The following FREM1 variants were observed in gnomAD, a reference collection of about 807,000 sequenced individuals.
FREM1 encodes FRAS1-related extracellular matrix protein 1.
Under a neutral mutation model 210.1 loss-of-function variants are expected in FREM1, and 220 were observed. That is an observed-to-expected ratio of 1.05 (90% confidence interval 0.94 to 1.17). The LOEUF is 1.17. Among genes scored for constraint, FREM1 ranks in the 50% most tolerant of loss-of-function variants. The pLI, the probability that FREM1 is intolerant of heterozygous loss-of-function variation, is 0.00. For synonymous variants in FREM1, 1,189 were observed against 980.2 expected, an observed-to-expected ratio of 1.21 and a Z score of -3.98; for missense variants, 3,454 against 2,675.5, an observed-to-expected ratio of 1.29 and a Z score of -6.42.
Position 14,858,608 on chromosome 9 carries a change from G to T in FREM1, c.631+575C>A, listed in dbSNP as rs10120595. Among the ~76,000 whole-genome samples the T allele has an allele frequency of 2.7e-3, 413 of 150,390 alleles. 4 individuals are homozygous for T. The highest frequency in any genetic ancestry group is 9.7e-3 in the African/African-American group (398 of 40,832). On this transcript the variant is annotated intron_variant, in intron 4 of 36. Coordinates refer to ENST00000380880, the MANE Select transcript of FREM1 (RefSeq NM_001379081.2). The stretch of plus-strand genomic sequence containing the variant: ...CAAAATTCAAAGTATTACTACTATT[G>T]CTATGATTATCCCTTATATTTCTTG...
intron 1 of FREM1, among the ~76,000 whole-genome samples, chr9:14,883,504 G>C (rs1262841480): frequency 1.3e-5 from 2 of 152,174 alleles, no homozygotes; most frequent in Non-Finnish European, 2.9e-5. Flanking sequence ...CTTCAAGAAG[G>C]TGGCATGGGA....
chr9:14,806,663 A>G lies in FREM1; in HGVS notation c.3272T>C (p.Ile1091Thr). The G allele has an allele frequency of 6.4e-7, 1 of 1,565,152 alleles. No individual in the cohort carries two copies. Reference protein sequence around the residue: ...GFEKSNIGISIDSFQWKDMNA... With the variant: ...GFEKSNIGISTDSFQWKDMNA... ...CTGGTGACGAAGCTACAGCTTACCT[A>G]TACTTATGCCAATATTGCTTTTTTC... is the stretch of plus-strand genomic sequence containing the variant. The change falls in exon 18 of 37, where the codon ATA becomes ACA. Residue 1091 changes from isoleucine to threonine, a missense_variant and splice_region_variant. Ile to Thr is a moderately conservative substitution (Grantham distance 89). Transcript: ENST00000380880.
At chr9:14,842,686 A>G (rs954579933) in intron 8 of FREM1, 26 bp from the exon 9 acceptor site, 3 of 1,550,884 alleles carry the variant, frequency 1.9e-6, no homozygotes, top group African/African-American at 2.7e-5. Flanking sequence ...GAGATGGAGC[A>G]GATTGAGCAA....
Position 14,857,715 on chromosome 9 carries a change from G to C in FREM1, c.666C>G (p.Ser222Arg), listed in dbSNP as rs371407653. ...LRAKLKCPGG[S>R]CTPGLKKIGS... ...CTATTTTCTTTAATCCTGGGGTACA[G>C]CTCCCACCTGGACACTTCAGTTTTG... Residue 222 changes from serine to arginine, a missense_variant, in exon 5 of 37, where the codon AGC (serine) becomes AGG (arginine). Physicochemically the swap from Ser to Arg is moderately radical, Grantham distance 110. Coordinates refer to ENST00000380880, the MANE Select transcript of FREM1 (RefSeq NM_001379081.2). 45 of 1,612,030 alleles carry C rather than the reference G, an allele frequency of 2.8e-5. No individual in the cohort carries two copies. The African/African-American group carries it at 5.2e-4, about 19-fold the overall frequency.
intron 7 of FREM1, 132 bp downstream of exon 7, chr9:14,848,533 G>A (rs1827092910): frequency 2.4e-6 from 1 of 420,560 alleles, no homozygotes; most frequent in African/African-American, 2.0e-5. Flanking sequence ...ACTATGTGAT[G>A]CCCTTAATCT....
Position 14,812,822 on chromosome 9 carries a change from G to A in FREM1, c.2883C>T (p.Tyr961=). 4 of 1,608,686 alleles carry A rather than the reference G, an allele frequency of 2.5e-6. No homozygotes were observed. The South Asian group carries it at 3.3e-5, about 13-fold the overall frequency. ...QRDVISEAVT[Y]KHTGGEIGLM... ...CATGCTGCTGCTTACCTGTGTGTTT[G>A]TATGTCACGGCCTCTGAGATAACAT... is the stretch of plus-strand genomic sequence containing the variant. Residue 961 remains tyrosine, a synonymous_variant, in exon 16 of 37, where the codon TAC becomes TAT. Transcript: ENST00000380880.
intron 1 of FREM1, among the ~76,000 whole-genome samples, chr9:14,888,725 T>G (rs983822558): frequency 1.6e-4 from 25 of 152,254 alleles, no homozygotes; most frequent in African/African-American, 6.0e-4. Context: ...CTGCTTCCTC[T>G]TCTCTACAAT....
chr9:14,879,877 T>C (rs1378562781), intron 1 of FREM1, among the ~76,000 whole-genome samples: 1 of 152,114 alleles, frequency 6.6e-6, no homozygotes, highest in Non-Finnish European at 1.5e-5. Context: ...GTAGGTACAA[T>C]ATGATAGGGG....
At chr9:14,905,036 A>C (rs547255468) in intron 1 of FREM1, among the ~76,000 whole-genome samples, 1 of 152,244 alleles carries the variant, frequency 6.6e-6, no homozygotes, top group East Asian at 1.9e-4. Context: ...GGAATCCTGA[A>C]ATACACTTTG....
intron 29 of FREM1, 104 bp downstream of exon 29, chr9:14,756,270 G>T: frequency 2.4e-6 from 2 of 830,306 alleles, no homozygotes; most frequent in Middle Eastern, 2.2e-4. Context: ...TTTCTAGTTG[G>T]CTAAAGTTGT....
At position 14,842,421 on chromosome 9, in the gene FREM1, G is replaced by C; in HGVS notation, c.1633C>G (p.Leu545Val). The C allele has an allele frequency of 6.2e-7, 1 of 1,613,956 alleles. No homozygotes were observed. The highest frequency in any genetic ancestry group is 8.5e-7 in the Non-Finnish European group (1 of 1,179,822). Residue 545 changes from leucine to valine, a missense_variant, in exon 9 of 37, where the codon CTG becomes GTG. Coordinates refer to ENST00000380880, the MANE Select transcript of FREM1 (RefSeq NM_001379081.2). Reference protein sequence around the residue: ...GQTILIQGSMLRASDVDASDD... With the variant: ...GQTILIQGSMVRASDVDASDD... Reference sequence around the variant, plus strand: ...CTGGCGTCCACATCTGAAGCTCGCAGCATGGATCCCTGGATCAGGATGGTC... The same window carrying C: ...CTGGCGTCCACATCTGAAGCTCGCACCATGGATCCCTGGATCAGGATGGTC...
chr9:14,805,755 A>G (rs1818235233), intron 18 of FREM1, among the ~76,000 whole-genome samples: 1 of 152,250 alleles, frequency 6.6e-6, no homozygotes, highest in African/African-American at 2.4e-5. Flanking sequence ...TTTAAAATGG[A>G]CATTCTTCAA....
chr9:14,812,812 C>G lies in FREM1; in HGVS notation c.2893G>C (p.Gly965Arg). The G allele has an allele frequency of 6.2e-7, 1 of 1,603,464 alleles. No homozygotes were observed. ...ISEAVTYKHT[G>R]GEIGLMPCFD... Reference sequence around the variant, plus strand: ...CACTGGTCACCATGCTGCTGCTTACCTGTGTGTTTGTATGTCACGGCCTCT... The same window carrying G: ...CACTGGTCACCATGCTGCTGCTTACGTGTGTGTTTGTATGTCACGGCCTCT... Residue 965 changes from glycine to arginine, a missense_variant and splice_region_variant, in exon 16 of 37, where the codon GGT becomes CGT. Transcript: ENST00000380880.
In FREM1 at chr9:14,801,663, A is replaced by G; in HGVS notation, c.3683T>C (p.Leu1228Pro). 6.2e-7 allele frequency: 1 copy of G among 1,607,376 alleles called. No individual in the cohort carries two copies. Among genetic ancestry groups the G allele is most frequent in the Non-Finnish European group, 8.5e-7 (1 of 1,173,810 alleles). ...HAPVHSFSME[L>P]LKTGMRLTYM... ...GGAACATGCTATACCAGTCTTGAGGAGTTCCATGGAAAAGCTGTGAACAGG... is the reference window on the plus strand; with the variant it reads ...GGAACATGCTATACCAGTCTTGAGGGGTTCCATGGAAAAGCTGTGAACAGG... The change falls in exon 20 of 37, where the codon CTC becomes CCC. Residue 1228 changes from leucine (L) to proline (P), a missense_variant. Leu to Pro is a moderately conservative substitution (Grantham distance 98, BLOSUM62 -3). Transcript: ENST00000380880.
intron 35 of FREM1, among the ~76,000 whole-genome samples, chr9:14,744,865 C>T (rs1201590360): frequency 6.6e-6 from 1 of 152,162 alleles, no homozygotes; most frequent in Non-Finnish European, 1.5e-5. Context: ...CTACCAACAA[C>T]ACATGAGAAT....
At chr9:14,897,747 T>C (rs1838005414) in intron 1 of FREM1, among the ~76,000 whole-genome samples, 1 of 152,086 alleles carries the variant, frequency 6.6e-6, no homozygotes, top group African/African-American at 2.4e-5. Context: ...CTCGCCACCA[T>C]GCCTGACTAA....
intron 6 of FREM1, among the ~76,000 whole-genome samples, chr9:14,850,818 G>A (rs2779499): frequency 0.32 from 48,391 of 152,198 alleles, 9,955 homozygotes; most frequent in Non-Finnish European, 0.46. Context: ...GTCGAAGGCT[G>A]CTGCAGTTCT....
At chr9:14,909,835 C>A (rs1818430500) in intron 1 of FREM1, 79 bp downstream of exon 1, 1 of 152,216 alleles carries the variant, frequency 6.6e-6, no homozygotes, top group Admixed American at 6.5e-5. Flanking sequence ...AATGATATCA[C>A]ACAAACAATC....
intron 1 of FREM1, among the ~76,000 whole-genome samples, chr9:14,907,595 C>A (rs572272681): frequency 6.6e-6 from 1 of 152,308 alleles, no homozygotes; most frequent in South Asian, 2.1e-4. Context: ...AACAGCCTTT[C>A]CAGGGAGTTA....
Sources: gnomAD v4.1 joint callset for allele counts (sites outside exome capture counted in the v4.1 genomes callset) on GRCh38, gnomAD v4.1.1 for gene constraint, MANE v1.5 for transcripts, NCBI Gene and HGNC (gene_info 2026-07-23, HGNC 2026-07-21) for gene names.